Variants in SGCZ observed in about 807,000 individuals in gnomAD.
SGCZ encodes zeta-sarcoglycan.
SGCZ carries 40 observed loss-of-function variants against 41.3 expected under a neutral mutation model. The ratio of observed to expected loss-of-function variants is 0.97; its 90% CI spans 0.75 to 1.26. The LOEUF (loss-of-function observed/expected upper bound fraction) is 1.26. SGCZ is among the 50% of genes most tolerant of loss of function. The pLI is 0.00. For missense variants in SGCZ, 552 were observed against 369.8 expected, an observed-to-expected ratio of 1.49 and a Z score of -4.04; for synonymous variants, 206 against 137.5, an observed-to-expected ratio of 1.50 and a Z score of -3.49.
In SGCZ at chr8:14,422,025, T is replaced by C. The variant is rs17301935; in HGVS notation, c.235-97821A>G. Among the ~76,000 whole-genome samples the C allele has an allele frequency of 1.2e-4, 19 of 152,086 alleles. No homozygotes were observed. In the South Asian group the frequency reaches 3.3e-3, roughly 27 times the overall value. ...CGAAGTCTCCAAAATATGCAACTTA[T>C]ATGGGTTTAATTTCTTTTTAATACT... is the stretch of plus-strand genomic sequence containing the variant. On this transcript the variant is annotated intron_variant, in intron 2 of 7. Transcript: ENST00000382080.
At chr8:14,455,014 A>T (rs900891732) in intron 2 of SGCZ, among the ~76,000 whole-genome samples, 1 of 152,162 alleles carries the variant, frequency 6.6e-6, no homozygotes, top group Non-Finnish European at 1.5e-5. Flanking sequence ...AATCAAATAG[A>T]AGATTAACAC....
chr8:14,509,496 A>C (rs1802406788), intron 2 of SGCZ, among the ~76,000 whole-genome samples: 1 of 152,134 alleles, frequency 6.6e-6, no homozygotes, highest in African/African-American at 2.4e-5. Context: ...TAACTGATTA[A>C]TCTGCTGAAG....
At chr8:14,385,535 G>T (rs900306344) in intron 2 of SGCZ, among the ~76,000 whole-genome samples, 12 of 152,142 alleles carry the variant, frequency 7.9e-5, no homozygotes, top group African/African-American at 2.4e-4. Flanking sequence ...GCTATCGATA[G>T]AATGAAGTTA....
At chr8:14,629,469 A>T (rs1806574373) in intron 1 of SGCZ, among the ~76,000 whole-genome samples, 1 of 152,128 alleles carries the variant, frequency 6.6e-6, no homozygotes, top group Non-Finnish European at 1.5e-5. Flanking sequence ...TTATTTATGG[A>T]GCTCCTTTAT....
intron 1 of SGCZ, among the ~76,000 whole-genome samples, chr8:14,829,881 G>A (rs1024222799): frequency 1.3e-5 from 2 of 151,998 alleles, no homozygotes; most frequent in African/African-American, 2.4e-5. Context: ...GCGCGATCTC[G>A]GCTCACTGCA....
chr8:14,097,073 A>AGAG (rs1801869600), intron 7 of SGCZ, among the ~76,000 whole-genome samples: 1 of 152,012 alleles, frequency 6.6e-6, no homozygotes, highest in Non-Finnish European at 1.5e-5. Flanking sequence ...GATTTTTTGA[A>AGAG]GAGTTTTTTT....
chr8:14,720,368 A>C (rs1179480363), intron 1 of SGCZ, among the ~76,000 whole-genome samples: 1 of 152,128 alleles, frequency 6.6e-6, no homozygotes, highest in African/African-American at 2.4e-5. Context: ...AAAAACAATA[A>C]TGATAGATAT....
chr8:14,903,112 A>G (rs909269050), intron 1 of SGCZ, among the ~76,000 whole-genome samples: 1 of 152,124 alleles, frequency 6.6e-6, no homozygotes, highest in Non-Finnish European at 1.5e-5. Context: ...GTTTCCTTAC[A>G]GTAAGTTTAA....
chr8:14,615,131 G>T (rs1435366775), intron 1 of SGCZ, among the ~76,000 whole-genome samples: 1 of 152,120 alleles, frequency 6.6e-6, no homozygotes, highest in Non-Finnish European at 1.5e-5. Flanking sequence ...GAAACATTAT[G>T]ACTGTACTAC....
intron 1 of SGCZ, among the ~76,000 whole-genome samples, chr8:14,597,058 G>C (rs1197152182): frequency 1.3e-5 from 2 of 152,118 alleles, no homozygotes; most frequent in African/African-American, 4.8e-5. Context: ...TTAGTAGGCA[G>C]CATTTTCAAA....
At chr8:14,434,149 C>T (rs1012290039) in intron 2 of SGCZ, among the ~76,000 whole-genome samples, 5 of 152,092 alleles carry the variant, frequency 3.3e-5, no homozygotes, top group African/African-American at 1.2e-4. Context: ...TTTGCATAAG[C>T]TGAGAGATGA....
intron 1 of SGCZ, among the ~76,000 whole-genome samples, chr8:14,708,784 G>T (rs1219229698): frequency 6.6e-6 from 1 of 150,520 alleles, no homozygotes; most frequent in East Asian, 2.0e-4. Flanking sequence ...GCTTCAGTAA[G>T]AACACACTTG....
chr8:14,626,980 C>T (rs1055116645), intron 1 of SGCZ, among the ~76,000 whole-genome samples: 1 of 152,130 alleles, frequency 6.6e-6, no homozygotes, highest in Non-Finnish European at 1.5e-5. Context: ...GTTCACCTCA[C>T]ATGGTAAAAA....
At chr8:14,785,752 G>A (rs1800748894) in intron 1 of SGCZ, among the ~76,000 whole-genome samples, 1 of 152,038 alleles carries the variant, frequency 6.6e-6, no homozygotes, top group Admixed American at 6.6e-5. Context: ...AAATTCACAC[G>A]GGCTTTAACT....
Position 14,581,307 on chromosome 8 carries a change from A to G in SGCZ, c.40-26381T>C, listed in dbSNP as rs540173632. ...ATTTTTATAGATACGGGGTTTCCCC[A>G]TGTTAGCCAGGCTGGTCTCGACCTC... On this transcript the variant is annotated intron_variant, in intron 1 of 7. Transcript: ENST00000382080. Among the ~76,000 whole-genome samples the G allele has an allele frequency of 3.9e-5, 6 of 152,204 alleles. No homozygotes were observed. The South Asian group carries it at 6.2e-4, about 16-fold the overall frequency.
At chr8:14,390,994 A>T (rs1401286094) in intron 2 of SGCZ, among the ~76,000 whole-genome samples, 1 of 152,134 alleles carries the variant, frequency 6.6e-6, no homozygotes, top group African/African-American at 2.4e-5. Context: ...CATAGCAAAT[A>T]AAATAAACTT....
At chr8:14,169,990 T>A (rs558227465) in intron 4 of SGCZ, among the ~76,000 whole-genome samples, 11 of 152,040 alleles carry the variant, frequency 7.2e-5, no homozygotes, top group African/African-American at 2.7e-4. Context: ...ATTACTTGAA[T>A]CAGTAAGTTA....
chr8:14,886,361 A>C lies in SGCZ; in HGVS notation c.40-331435T>G, dbSNP rs552259281. On this transcript the variant is annotated intron_variant, in intron 1 of 7. Coordinates refer to ENST00000382080, the MANE Select transcript of SGCZ (RefSeq NM_139167.4). ...ACAAAAATATAAACATGATAAAATA[A>C]CATATGGTTTATTAGACAGAGGTGA... is the stretch of plus-strand genomic sequence containing the variant. Among the ~76,000 whole-genome samples the C allele has an allele frequency of 3.3e-5, 5 of 152,226 alleles. No individual in the cohort carries two copies. In the South Asian group the frequency reaches 1.0e-3, roughly 32 times the overall value.
rs1350853449 is a variant in SGCZ, at chr8:14,350,095, A to G, written c.235-25891T>C. 2.6e-5 allele frequency among the ~76,000 whole-genome samples: 4 copies of G among 152,134 alleles called. No individual in the cohort carries two copies. The East Asian group carries it at 7.7e-4, about 29-fold the overall frequency. ...AAATGATTGATAAAATCCCCTCGTG[A>G]CTTGGAAAATGTCTTTGGAAGGTGA... On this transcript the variant is annotated intron_variant, in intron 2 of 7. Transcript: ENST00000382080.
Sources: gnomAD v4.1 joint callset for allele counts (sites outside exome capture counted in the v4.1 genomes callset) on GRCh38, gnomAD v4.1.1 for gene constraint, MANE v1.5 for transcripts, NCBI Gene and HGNC (gene_info 2026-07-23, HGNC 2026-07-21) for gene names.